Variants in RANBP2 observed in about 807,000 individuals in gnomAD.
The protein encoded by RANBP2 is E3 SUMO-protein ligase RanBP2.
RANBP2 carries 57 observed loss-of-function variants against 303.6 expected under a neutral mutation model. That is an observed-to-expected ratio of 0.19 (90% CI 0.15 to 0.23). The LOEUF (loss-of-function observed/expected upper bound fraction) is 0.23, where lower values mean the gene tolerates loss of function less well. Among genes scored for constraint, RANBP2 ranks in the 10% least tolerant of loss-of-function variants. RANBP2 has a pLI of 1.00. For synonymous variants in RANBP2, 1,167 were observed against 1,301.5 expected, an observed-to-expected ratio of 0.90 and a Z score of 2.23; for missense variants, 3,138 against 3,780.8, an observed-to-expected ratio of 0.83 and a Z score of 4.46.
the RANBP2 span, among the ~76,000 whole-genome samples, chr2:108,806,537 T>C: frequency 6.6e-6 from 1 of 152,212 alleles, no homozygotes; most frequent in South Asian, 2.1e-4. Context: ...AAGGACTAGA[T>C]AGTAAGTACT....
Position 108,763,711 on chromosome 2 carries a change from G to A in RANBP2, c.3172G>A (p.Ala1058Thr). The A allele has an allele frequency of 6.2e-7, 1 of 1,614,054 alleles. No individual in the cohort carries two copies. The highest frequency in any genetic ancestry group is 8.5e-7 in the Non-Finnish European group (1 of 1,179,966). ...ACAGGTTGTGACACAGCCCCCTCCT[G>A]CAGCTTACAGTAACAGTGAAAGCCT... Reference protein sequence around the residue: ...SPQVVTQPPPAAYSNSESLLG... With the variant: ...SPQVVTQPPPTAYSNSESLLG... The change falls in exon 20 of 29, where the codon GCA becomes ACA. Residue 1058 changes from alanine to threonine, a missense_variant. Ala to Thr is a moderately conservative substitution (Grantham distance 58). This residue lies in a region of RANBP2 where 403 missense variants were observed against 376.7 expected (regional missense o/e 1.07). Transcript: ENST00000283195.
the RANBP2 span, among the ~76,000 whole-genome samples, chr2:109,314,784 A>G: frequency 6.6e-6 from 1 of 152,184 alleles, no homozygotes; most frequent in African/African-American, 2.4e-5. Context: ...GGTTTTGTTT[A>G]ATTTAGGGTG....
chr2:109,624,280 G>A, the RANBP2 span, among the ~76,000 whole-genome samples: 1 of 152,200 alleles, frequency 6.6e-6, no homozygotes, highest in Non-Finnish European at 1.5e-5. Flanking sequence ...AATTGATTCA[G>A]AAAGAGGCTC....
chr2:109,355,104 C>T, the RANBP2 span, among the ~76,000 whole-genome samples: 6 of 152,184 alleles, frequency 3.9e-5, no homozygotes, highest in East Asian at 1.9e-4. Flanking sequence ...CATATGGTAA[C>T]GGCATTTGGT....
At chr2:109,167,634 C>T in the RANBP2 span, among the ~76,000 whole-genome samples, 5 of 152,180 alleles carry the variant, frequency 3.3e-5, no homozygotes, top group South Asian at 2.1e-4. Context: ...TGCAGCGGCA[C>T]GATCTCGGCT....
chr2:109,388,008 A>G, the RANBP2 span, among the ~76,000 whole-genome samples: 1 of 152,256 alleles, frequency 6.6e-6, no homozygotes, highest in East Asian at 1.9e-4. Context: ...AGGAGTCGAC[A>G]GAAGCTTTGT....
At chr2:108,952,878 C>T in the RANBP2 span, among the ~76,000 whole-genome samples, 2 of 152,228 alleles carry the variant, frequency 1.3e-5, no homozygotes, top group Admixed American at 1.3e-4. Context: ...CCTCCCAAAC[C>T]TGTCAGTCTT....
chr2:109,645,347 G>A, the RANBP2 span, among the ~76,000 whole-genome samples: 1 of 152,358 alleles, frequency 6.6e-6, no homozygotes, highest in Middle Eastern at 3.4e-3. Flanking sequence ...TTGGCACAGA[G>A]TGGGCACCCA....
At chr2:109,342,608 G>T in the RANBP2 span, among the ~76,000 whole-genome samples, 1 of 152,152 alleles carries the variant, frequency 6.6e-6, no homozygotes, top group South Asian at 2.1e-4. Flanking sequence ...AGGCCAGTTG[G>T]GGTTGTGCCC....
the RANBP2 span, among the ~76,000 whole-genome samples, chr2:109,051,827 C>T: frequency 1.3e-5 from 2 of 151,636 alleles, no homozygotes; most frequent in African/African-American, 4.9e-5. Context: ...TGGCTCACTG[C>T]AATATCTGCC....
At chr2:109,369,411 G>A in the RANBP2 span, among the ~76,000 whole-genome samples, 13 of 152,330 alleles carry the variant, frequency 8.5e-5, no homozygotes, top group East Asian at 2.5e-3. Flanking sequence ...CTGGAGGGAC[G>A]CTCTGCTAAA....
the RANBP2 span, chr2:109,501,728 C>T: frequency 0.055 from 38,914 of 703,838 alleles, 1,517 homozygotes; most frequent in East Asian, 0.17. Flanking sequence ...GGAAGCTCCA[C>T]GGCACACAGA....
the RANBP2 span, among the ~76,000 whole-genome samples, chr2:109,697,991 C>T: frequency 0.015 from 2,285 of 151,800 alleles, 27 homozygotes; most frequent in South Asian, 0.047. Flanking sequence ...TCCCAAGTAG[C>T]TGGGATTACA....
the RANBP2 span, among the ~76,000 whole-genome samples, chr2:109,321,039 C>T: frequency 2.6e-5 from 4 of 152,162 alleles, no homozygotes; most frequent in African/African-American, 9.7e-5. Flanking sequence ...AAAATGGCTG[C>T]TCTTACTGAT....
At chr2:109,202,331 A>G in the RANBP2 span, among the ~76,000 whole-genome samples, 1 of 152,140 alleles carries the variant, frequency 6.6e-6, no homozygotes, top group Non-Finnish European at 1.5e-5. Flanking sequence ...GAAACTCCCT[A>G]GGAGTGTGTC....
At chr2:109,716,598 G>A in the RANBP2 span, among the ~76,000 whole-genome samples, 1 of 152,066 alleles carries the variant, frequency 6.6e-6, no homozygotes, top group South Asian at 2.1e-4. Flanking sequence ...CCAGGCTGAA[G>A]TGCAGTGGTG....
At chr2:109,544,117 T>C in the RANBP2 span, 7 of 1,512,890 alleles carry the variant, frequency 4.6e-6, no homozygotes, top group South Asian at 8.6e-5. Flanking sequence ...GCTCAACTTG[T>C]AGTATCATTC....
the RANBP2 span, among the ~76,000 whole-genome samples, chr2:109,372,841 G>C: frequency 6.6e-6 from 1 of 152,214 alleles, no homozygotes; most frequent in African/African-American, 2.4e-5. Flanking sequence ...AAGCCCACGG[G>C]TGACACGGCC....
the RANBP2 span, among the ~76,000 whole-genome samples, chr2:109,675,684 A>G: frequency 6.6e-6 from 1 of 152,152 alleles, no homozygotes. Flanking sequence ...CTCTGTCTCA[A>G]AAAATAAGAA....
Sources: allele counts gnomAD v4.1 joint callset (sites outside exome capture counted in the v4.1 genomes callset), GRCh38; gene constraint gnomAD v4.1.1; regional missense constraint gnomAD v4.1.1; transcripts MANE v1.5; gene names NCBI Gene and HGNC (gene_info 2026-07-23, HGNC 2026-07-21).